The following OR4Q3 variants were observed in gnomAD, a reference collection of about 807,000 sequenced individuals.
The protein encoded by OR4Q3 is olfactory receptor family 4 subfamily Q member 3, also known as olfactory receptor 4Q3.
Under a neutral mutation model 18.8 loss-of-function variants are expected in OR4Q3, and 17 were observed. That is an observed-to-expected ratio of 0.91 (90% CI 0.62 to 1.36). OR4Q3 has a LOEUF of 1.36. Among genes scored for constraint, OR4Q3 ranks in the 40% most tolerant of loss-of-function variants. OR4Q3 has a pLI of 0.00. For synonymous variants in OR4Q3, 158 were observed against 145.8 expected, an observed-to-expected ratio of 1.08 and a Z score of -0.60; for missense variants, 378 against 373.4, an observed-to-expected ratio of 1.01 and a Z score of -0.10.
chr14:19,751,414 C>T, downstream of OR4Q3, among the ~76,000 whole-genome samples: 1 of 152,094 alleles, frequency 6.6e-6, no homozygotes, highest in Non-Finnish European at 1.5e-5. Flanking sequence ...AGGGAGGAGC[C>T]CTTCCTTTTT....
chr14:19,746,597 C>T, intron 1 of OR4Q3, among the ~76,000 whole-genome samples: 12 of 152,204 alleles, frequency 7.9e-5, no homozygotes, highest in South Asian at 2.1e-4. Flanking sequence ...CTACTCATCC[C>T]GAGTCTGACG....
At chr14:19,743,608 T>C (rs1404876180) in exon 1 of OR4Q3, 1 of 152,404 alleles carries the variant, frequency 6.6e-6, no homozygotes. Context: ...AGAGGGTTGA[T>C]AGGATGAATG....
chr14:19,751,758 G>GT, downstream of OR4Q3, among the ~76,000 whole-genome samples: 1 of 138,702 alleles, frequency 7.2e-6, no homozygotes, highest in Non-Finnish European at 1.6e-5. Flanking sequence ...CTTTTTGACT[G>GT]TACTCATTTG....
chr14:19,745,877 G>C, intron 1 of OR4Q3, among the ~76,000 whole-genome samples: 1 of 152,096 alleles, frequency 6.6e-6, no homozygotes, highest in Non-Finnish European at 1.5e-5. Flanking sequence ...CCTTCTATCA[G>C]TTATGAGATT....
chr14:19,749,971 C>T, downstream of OR4Q3, among the ~76,000 whole-genome samples: 3 of 136,572 alleles, frequency 2.2e-5, no homozygotes, highest in South Asian at 2.3e-4. Context: ...CTCTCTTTCT[C>T]TCTTTCTTTC....
downstream of OR4Q3, among the ~76,000 whole-genome samples, chr14:19,751,100 T>C: frequency 6.6e-6 from 1 of 152,246 alleles, no homozygotes; most frequent in African/African-American, 2.4e-5. Context: ...TAGCAAAATG[T>C]ATAGTCTTGG....
intron 1 of OR4Q3, among the ~76,000 whole-genome samples, chr14:19,745,900 A>G: frequency 2.0e-5 from 3 of 152,120 alleles, no homozygotes; most frequent in Non-Finnish European, 2.9e-5. Context: ...AGATTTAGAT[A>G]CACCTGTGCA....
downstream of OR4Q3, among the ~76,000 whole-genome samples, chr14:19,749,861 T>A: frequency 2.8e-5 from 1 of 35,640 alleles, no homozygotes; most frequent in Non-Finnish European, 6.8e-5. Flanking sequence ...TTTCTTTCTT[T>A]CTTTCTTTCT....
chr14:19,751,182 T>C, downstream of OR4Q3, among the ~76,000 whole-genome samples: 1 of 152,256 alleles, frequency 6.6e-6, no homozygotes, highest in Non-Finnish European at 1.5e-5. Flanking sequence ...GAGCTTTTTA[T>C]ATTCCCTTTT....
At chr14:19,745,278 A>T in intron 1 of OR4Q3, among the ~76,000 whole-genome samples, 3 of 152,216 alleles carry the variant, frequency 2.0e-5, no homozygotes, top group Admixed American at 2.0e-4. Context: ...GCTTATAAAT[A>T]GTTTGTAGTA....
downstream of OR4Q3, among the ~76,000 whole-genome samples, chr14:19,749,894 CTTTCTTTCTTTCTTTTT>C: frequency 7.5e-5 from 2 of 26,534 alleles, no homozygotes; most frequent in African/African-American, 1.3e-4. Context: ...TTCTTTCTTT[CTTTCTTTCTTTCTTTTT>C]TCTTTCTTTC....
At chr14:19,744,843 A>T in intron 1 of OR4Q3, among the ~76,000 whole-genome samples, 1 of 152,134 alleles carries the variant, frequency 6.6e-6, no homozygotes, top group Non-Finnish European at 1.5e-5. Flanking sequence ...ACATTCCTTC[A>T]TGTTGATGGG....
chr14:19,746,917 A>G, intron 1 of OR4Q3, among the ~76,000 whole-genome samples: 1 of 151,642 alleles, frequency 6.6e-6, no homozygotes, highest in East Asian at 1.9e-4. Context: ...AGTTTTTTTT[A>G]TGGTGCACAT....
At chr14:19,749,019 T>A in exon 2 of OR4Q3, 1 of 152,834 alleles carries the variant, frequency 6.5e-6, no homozygotes, top group Non-Finnish European at 1.5e-5. Flanking sequence ...CTGTTAGTAT[T>A]CTGTTGTAGA....
At chr14:19,745,918 A>G in intron 1 of OR4Q3, among the ~76,000 whole-genome samples, 2 of 152,156 alleles carry the variant, frequency 1.3e-5, no homozygotes, top group Non-Finnish European at 2.9e-5. Context: ...GCACTCGGCT[A>G]TATAGGCAGA....
chr14:19,749,604 CAAAAAAAAAAAAAAAAAA>C, downstream of OR4Q3: 11 of 34,574 alleles, frequency 3.2e-4, no homozygotes, highest in South Asian at 1.1e-3. Context: ...GGTCTCAAAG[CAAAAAAAAAAAAAAAAAA>C]AAAAAAAAAA....
chr14:19,747,034 G>C, intron 1 of OR4Q3, among the ~76,000 whole-genome samples: 1 of 152,202 alleles, frequency 6.6e-6, no homozygotes, highest in Non-Finnish European at 1.5e-5. Flanking sequence ...TCTTGCCTGA[G>C]AGTACTCCAT....
chr14:19,747,275 C>A, intron 1 of OR4Q3, 131 bp from the exon 2 acceptor site: 2 of 431,630 alleles, frequency 4.6e-6, no homozygotes, highest in Non-Finnish European at 7.8e-6. Flanking sequence ...TAAGAGTGTA[C>A]TGCCTATATT....
intron 1 of OR4Q3, among the ~76,000 whole-genome samples, chr14:19,746,811 C>T: frequency 2.6e-5 from 4 of 152,210 alleles, no homozygotes; most frequent in Admixed American, 6.6e-5. Flanking sequence ...AAACATTCTT[C>T]CTTCGATTTG....
Sources: gnomAD v4.1 joint callset for allele counts (sites outside exome capture counted in the v4.1 genomes callset) on GRCh38, gnomAD v4.1.1 for gene constraint, MANE v1.5 for transcripts, NCBI Gene and HGNC (gene_info 2026-07-23, HGNC 2026-07-21) for gene names.